Variants in THRA observed in about 807,000 individuals in gnomAD.
THRA encodes thyroid hormone receptor alpha.
A neutral mutation model predicts 45.0 loss-of-function variants in THRA; 13 were observed. That is an observed-to-expected ratio of 0.29 (90% CI 0.19 to 0.46). The LOEUF (loss-of-function observed/expected upper bound fraction) is 0.46. Among genes scored for constraint, THRA ranks in the 20% least tolerant of loss-of-function variants. The pLI, the probability that THRA is intolerant of heterozygous loss-of-function variation, is 1.00. For missense variants in THRA, 278 were observed against 556.1 expected, an observed-to-expected ratio of 0.50 and a Z score of 5.03; for synonymous variants, 195 against 214.0, an observed-to-expected ratio of 0.91 and a Z score of 0.78.
chr17:40,088,702 C>T lies in THRA; in HGVS notation c.982+202C>T, dbSNP rs538550666. 2.0e-5 allele frequency among the ~76,000 whole-genome samples: 3 copies of T among 152,140 alleles called. No homozygotes were observed. The South Asian group carries it at 6.2e-4, about 31-fold the overall frequency. On this transcript the variant is annotated intron_variant, in intron 8 of 8. Transcript: ENST00000450525. ...AGGCCCATCCCTTGCCTCCCCATCC[C>T]TGCTCTGTGCCTTTTCCTGTCTTTG... is the stretch of plus-strand genomic sequence containing the variant.
intron 1 of THRA, among the ~76,000 whole-genome samples, chr17:40,064,089 C>G (rs1986465604): frequency 6.6e-6 from 1 of 152,146 alleles, no homozygotes; most frequent in South Asian, 2.1e-4. Context: ...CATGCACATC[C>G]AGGGACACCC....
intron 7 of THRA, among the ~76,000 whole-genome samples, chr17:40,087,688 C>T (rs1987381138): frequency 6.6e-6 from 1 of 152,242 alleles, no homozygotes; most frequent in South Asian, 2.1e-4. Flanking sequence ...TAAGTTACCT[C>T]CATCCCCTGT....
intron 1 of THRA, among the ~76,000 whole-genome samples, chr17:40,067,270 A>AT (rs1441823428): frequency 1.1e-4 from 16 of 152,158 alleles, no homozygotes; most frequent in Non-Finnish European, 2.4e-4. Flanking sequence ...AGCTAGGGGC[A>AT]CCTGCATAAA....
At chr17:40,093,399 G>A (rs767057862), downstream of THRA, 32 of 1,603,388 alleles carry the variant, frequency 2.0e-5, no homozygotes, top group South Asian at 5.5e-5. This position sits in a 1 kb window ranked among gnomAD's most constrained non-coding sequence, Gnocchi z 5.9. Flanking sequence ...CCAGAAGGCC[G>A]ATGGGGAAGG....
intron 2 of THRA, 132 bp from the exon 3 acceptor site, chr17:40,076,739 T>C: frequency 1.1e-6 from 1 of 889,762 alleles, no homozygotes; most frequent in Non-Finnish European, 1.7e-6. Flanking sequence ...CAGCTGACCC[T>C]GGGGGGTGGG....
chr17:40,075,617 G>A (rs1462912912), intron 2 of THRA, among the ~76,000 whole-genome samples: 1 of 152,230 alleles, frequency 6.6e-6, no homozygotes, highest in African/African-American at 2.4e-5. Flanking sequence ...TTGGAGAAAG[G>A]CAGGAATGCC....
intron 4 of THRA, among the ~76,000 whole-genome samples, chr17:40,079,604 A>T (rs1243223671): frequency 6.6e-6 from 1 of 152,154 alleles, no homozygotes; most frequent in Non-Finnish European, 1.5e-5. Context: ...TCCAAGAAAC[A>T]GAATTATTTA....
At chr17:40,067,451 C>T (rs529606396) in intron 1 of THRA, among the ~76,000 whole-genome samples, 5 of 152,210 alleles carry the variant, frequency 3.3e-5, no homozygotes, top group Non-Finnish European at 4.4e-5. Context: ...GGCTGATAGG[C>T]ACCAGATTCC....
chr17:40,089,237 C>A lies in THRA; in HGVS notation c.1014C>A (p.Ile338=), dbSNP rs1258125250. 1.2e-6 allele frequency: 2 copies of A among 1,613,864 alleles called. No homozygotes were observed. The highest frequency in any genetic ancestry group is 1.1e-5 in the South Asian group (1 of 91,056). The change falls in exon 9 of 9, where the codon ATC becomes ATA. Residue 338 remains isoleucine (I), a synonymous_variant. Coordinates refer to ENST00000450525, the MANE Select transcript of THRA (RefSeq NM_199334.5). This position sits in a 1 kb window ranked among gnomAD's most constrained non-coding sequence, Gnocchi z 6.1. ...DRSGLLCVDK[I]EKSQEAYLLA... is the part of the protein sequence containing the mutation. ...CGGGCCTGCTGTGTGTGGACAAGAT[C>A]GAGAAGAGTCAGGAGGCGTACCTGC...
intron 4 of THRA, 85 bp from the exon 5 acceptor site, chr17:40,083,750 C>A: frequency 6.7e-7 from 1 of 1,495,250 alleles, no homozygotes; most frequent in Non-Finnish European, 9.0e-7. Flanking sequence ...TGCTCTCCAC[C>A]CCTGACCCCT....
At chr17:40,079,690 T>C (rs545156345) in intron 4 of THRA, among the ~76,000 whole-genome samples, 2 of 152,312 alleles carry the variant, frequency 1.3e-5, no homozygotes, top group Admixed American at 6.5e-5. Flanking sequence ...TTTTAAACAC[T>C]TCAAGTGAAT....
At position 40,089,564 on chromosome 17, in the gene THRA, C is replaced by G; in HGVS notation, c.*108C>G. On this transcript the variant is annotated 3_prime_UTR_variant, in exon 9 of 9. Transcript: ENST00000450525. The surrounding 1 kb of genome is among the most constrained non-coding windows in gnomAD (Gnocchi z 6.1). ...CCCCCACACCCCTTCTCTCCTTCCTCTCGTCCTTGGATAGATTCAGCTCCC... is the reference window on the plus strand; with the variant it reads ...CCCCCACACCCCTTCTCTCCTTCCTGTCGTCCTTGGATAGATTCAGCTCCC... The G allele has an allele frequency of 6.7e-7, 1 of 1,483,844 alleles. No individual in the cohort carries two copies. The allele number at this position is 1,483,844 out of a possible 1,614,324, so 91.9% of individuals were successfully genotyped here.
intron 7 of THRA, among the ~76,000 whole-genome samples, chr17:40,087,624 T>C (rs926756143): frequency 2.0e-5 from 3 of 152,214 alleles, no homozygotes; most frequent in African/African-American, 7.2e-5. Context: ...AGTTCTCATT[T>C]TCCAGAGCAC....
chr17:40,066,718 A>G (rs548732849), intron 1 of THRA, among the ~76,000 whole-genome samples: 1 of 151,706 alleles, frequency 6.6e-6, no homozygotes, highest in Non-Finnish European at 1.5e-5. Context: ...TTATCTATCA[A>G]GCAGGTGATA....
chr17:40,063,377 T>A (rs968810534), intron 1 of THRA, among the ~76,000 whole-genome samples: 4 of 152,086 alleles, frequency 2.6e-5, no homozygotes, highest in Non-Finnish European at 5.9e-5. Flanking sequence ...CCGGCCTCTG[T>A]CCGGCCAGTC....
chr17:40,064,677 A>G (rs1755782489), intron 1 of THRA, among the ~76,000 whole-genome samples: 1 of 152,204 alleles, frequency 6.6e-6, no homozygotes, highest in African/African-American at 2.4e-5. Context: ...CGCTTGAGAT[A>G]CCACCCTACT....
intron 6 of THRA, among the ~76,000 whole-genome samples, chr17:40,085,021 A>G (rs1987274384): frequency 6.6e-6 from 1 of 152,188 alleles, no homozygotes; most frequent in African/African-American, 2.4e-5. Context: ...TGGGAGCTCA[A>G]TGAGGACAGG....
chr17:40,076,776 A>G, intron 2 of THRA, 95 bp from the exon 3 acceptor site: 1 of 1,316,176 alleles, frequency 7.6e-7, no homozygotes, highest in Non-Finnish European at 1.1e-6. Flanking sequence ...CAAAATGGAA[A>G]GAATCAGGCC....
chr17:40,066,207 C>G (rs931381773), intron 1 of THRA, among the ~76,000 whole-genome samples: 3 of 152,154 alleles, frequency 2.0e-5, no homozygotes, highest in Non-Finnish European at 4.4e-5. Flanking sequence ...AGGGGGAACT[C>G]AGGCAGGAGA....
Sources: allele counts gnomAD v4.1 joint callset (sites outside exome capture counted in the v4.1 genomes callset), GRCh38; gene constraint gnomAD v4.1.1; non-coding constraint Gnocchi (gnomAD v3.1); transcripts MANE v1.5; gene names NCBI Gene and HGNC (gene_info 2026-07-23, HGNC 2026-07-21).